Variants in MTMR9 observed in about 807,000 individuals in gnomAD.
MTMR9 encodes the protein myotubularin-related protein 9.
Under a neutral mutation model 69.5 loss-of-function variants are expected in MTMR9, and 39 were observed. The ratio of observed to expected loss-of-function variants is 0.56; its 90% CI spans 0.43 to 0.73. MTMR9 has a LOEUF of 0.73. MTMR9 is among the 30% of genes least tolerant of loss of function. The pLI is 0.00. For synonymous variants in MTMR9, 354 were observed against 240.8 expected, an observed-to-expected ratio of 1.47 and a Z score of -4.35; for missense variants, 900 against 671.2, an observed-to-expected ratio of 1.34 and a Z score of -3.77.
intron 6 of MTMR9, among the ~76,000 whole-genome samples, chr8:11,313,580 C>T (rs1049408463): frequency 3.3e-5 from 5 of 152,152 alleles, no homozygotes; most frequent in African/African-American, 4.8e-5. Flanking sequence ...TTCATTTGAA[C>T]ACTTACAGGC....
At position 11,295,176 on chromosome 8, in the gene MTMR9, A is replaced by C; in HGVS notation, c.183-18A>C. 1 of 1,373,874 alleles carries C rather than the reference A, an allele frequency of 7.3e-7. No individual in the cohort carries two copies. Among genetic ancestry groups the C allele is most frequent in the Non-Finnish European group, 1.0e-6 (1 of 970,682 alleles). 85.1% of individuals were successfully genotyped at this position (1,373,874 alleles called of 1,614,324 possible). ...AGTAATATATGTGTTCCTAAACATG[A>C]TTTGCAATTTCTTACAGATTTGTAG... On this transcript the variant is annotated intron_variant, in intron 1 of 9. Transcript: ENST00000221086.
At chr8:11,294,053 C>T (rs1478693721) in intron 1 of MTMR9, among the ~76,000 whole-genome samples, 1 of 152,154 alleles carries the variant, frequency 6.6e-6, no homozygotes, top group Non-Finnish European at 1.5e-5. Context: ...ATTTTAGAAT[C>T]ACCTTTTCAG....
chr8:11,288,807 C>G (rs1411040307), intron 1 of MTMR9, among the ~76,000 whole-genome samples: 1 of 152,178 alleles, frequency 6.6e-6, no homozygotes, highest in Non-Finnish European at 1.5e-5. Context: ...TGGCTGCTGG[C>G]AGAAAATAAA....
intron 3 of MTMR9, among the ~76,000 whole-genome samples, chr8:11,301,783 C>G (rs1799756654): frequency 6.6e-6 from 1 of 151,954 alleles, no homozygotes. Context: ...TAATCTAATG[C>G]AAATGTTAAG....
intron 1 of MTMR9, among the ~76,000 whole-genome samples, chr8:11,292,252 T>C (rs1799401203): frequency 6.6e-6 from 1 of 152,220 alleles, no homozygotes; most frequent in African/African-American, 2.4e-5. Context: ...AATGTGGGTT[T>C]CCAATTTGAG....
rs889873818 is a variant in MTMR9, at chr8:11,325,178, G to T, written c.*2390G>T. ...TTACAGGTTGTAAAAATAAACTTCGGTATCAGTGCATCTACAGAAGTGTTA... is the reference window on the plus strand; with the variant it reads ...TTACAGGTTGTAAAAATAAACTTCGTTATCAGTGCATCTACAGAAGTGTTA... On this transcript the variant is annotated 3_prime_UTR_variant, in exon 10 of 10. Coordinates refer to ENST00000221086, the MANE Select transcript of MTMR9 (RefSeq NM_015458.4). The T allele has an allele frequency of 6.6e-6, 1 of 152,144 alleles. No individual in the cohort carries two copies. Among genetic ancestry groups the T allele is most frequent in the African/African-American group, 2.4e-5 (1 of 41,422 alleles). The allele number at this position is 152,144 out of a possible 1,614,324, so 9.4% of individuals were successfully genotyped here.
At chr8:11,317,497 G>C (rs959750556) in intron 8 of MTMR9, 5 of 152,126 alleles carry the variant, frequency 3.3e-5, no homozygotes, top group Non-Finnish European at 7.4e-5. Flanking sequence ...CTCACAGTAG[G>C]GTTTGCGCTT....
At chr8:11,330,704 G>A (rs1331584093), downstream of MTMR9, among the ~76,000 whole-genome samples, 3 of 152,098 alleles carry the variant, frequency 2.0e-5, no homozygotes, top group East Asian at 5.8e-4. Flanking sequence ...TTGTTAAACA[G>A]ATACTTGAAG....
chr8:11,284,844 T>C lies in MTMR9; in HGVS notation c.-45T>C. On this transcript the variant is annotated 5_prime_UTR_variant, in exon 1 of 10. Coordinates refer to ENST00000221086, the MANE Select transcript of MTMR9 (RefSeq NM_015458.4). ...ACTTCCCTGCGGCGGGGTAACCGCC[T>C]CGCACCTACCGGGCTCGGTTCCCTG... is the stretch of plus-strand genomic sequence containing the variant. 1 of 1,541,130 alleles carries C rather than the reference T, an allele frequency of 6.5e-7. No individual in the cohort carries two copies. The highest frequency in any genetic ancestry group is 8.8e-7 in the Non-Finnish European group (1 of 1,140,076).
intron 1 of MTMR9, among the ~76,000 whole-genome samples, chr8:11,288,698 C>A (rs1303322298): frequency 2.0e-5 from 3 of 152,076 alleles, no homozygotes; most frequent in East Asian, 3.9e-4. Flanking sequence ...GTGGTCAGAC[C>A]GTGGAGGGCC....
chr8:11,313,660 T>C (rs1251522658), intron 6 of MTMR9, among the ~76,000 whole-genome samples: 2 of 152,152 alleles, frequency 1.3e-5, no homozygotes, highest in Admixed American at 1.3e-4. Flanking sequence ...AGAGTCTCCC[T>C]GAAGAGAGAG....
rs1282417223 is a variant in MTMR9, at chr8:11,323,417, G to T, written c.*629G>T. On this transcript the variant is annotated 3_prime_UTR_variant, in exon 10 of 10. Transcript: ENST00000221086. The stretch of plus-strand genomic sequence containing the variant: ...TTATTTCTACAAGGGCAACAGGTAT[G>T]GTCCTCCGATATTTACATTAAGAAG... The T allele has an allele frequency of 1.3e-5, 2 of 152,134 alleles. No individual in the cohort carries two copies. Among genetic ancestry groups the T allele is most frequent in the Non-Finnish European group, 2.9e-5 (2 of 68,034 alleles). 9.4% of individuals were successfully genotyped at this position (152,134 alleles called of 1,614,324 possible).
At chr8:11,301,452 T>C (rs994785395) in intron 3 of MTMR9, among the ~76,000 whole-genome samples, 2 of 152,192 alleles carry the variant, frequency 1.3e-5, no homozygotes, top group African/African-American at 2.4e-5. Flanking sequence ...GATATCCATA[T>C]GTAAAAAAGA....
chr8:11,319,571 A>G (rs1800577157), intron 8 of MTMR9, 116 bp from the exon 9 acceptor site: 12 of 1,085,120 alleles, frequency 1.1e-5, no homozygotes, highest in East Asian at 2.5e-5. Flanking sequence ...TTCTCTACCA[A>G]AAGTCTTGTA....
chr8:11,306,545 C>T (rs1585122156), intron 5 of MTMR9, 138 bp downstream of exon 5: 1 of 750,790 alleles, frequency 1.3e-6, no homozygotes, highest in East Asian at 2.7e-5. Flanking sequence ...GCCATCTTCT[C>T]ATTTTTTTTT....
chr8:11,327,453 C>G lies in MTMR9; in HGVS notation c.*4665C>G, dbSNP rs1470189228. On this transcript the variant is annotated 3_prime_UTR_variant, in exon 10 of 10. Transcript: ENST00000221086. ...GTTGTACAACACTGCCTGTGTTTGTCTGGCCAAGACATTTGCTTCACTTTT... is the reference window on the plus strand; with the variant it reads ...GTTGTACAACACTGCCTGTGTTTGTGTGGCCAAGACATTTGCTTCACTTTT... 6.6e-6 allele frequency: 1 copy of G among 150,958 alleles called. No individual in the cohort carries two copies. Among genetic ancestry groups the G allele is most frequent in the Non-Finnish European group, 1.5e-5 (1 of 67,222 alleles). 9.4% of individuals were successfully genotyped at this position (150,958 alleles called of 1,614,324 possible). A position where few individuals can be genotyped will look rare whatever the true frequency, so the allele number is the denominator to read the frequency against.
downstream of MTMR9, among the ~76,000 whole-genome samples, chr8:11,330,356 CG>C (rs1801164547): frequency 6.6e-6 from 1 of 152,082 alleles, no homozygotes; most frequent in Admixed American, 6.5e-5. Context: ...CGCCTCTGCC[CG>C]GCTGCCCCTT....
rs1277867538 is a variant in MTMR9, at chr8:11,323,538, G to T, written c.*750G>T. 1 of 152,234 alleles carries T rather than the reference G, an allele frequency of 6.6e-6. No individual in the cohort carries two copies. The highest frequency in any genetic ancestry group is 1.5e-5 in the Non-Finnish European group (1 of 68,046). 9.4% of individuals were successfully genotyped at this position (152,234 alleles called of 1,614,324 possible). ...ATTGAGAATTGTTACTGGTGAATTG[G>T]TTTTCAGGTTTTGAGCATACATATA... On this transcript the variant is annotated 3_prime_UTR_variant, in exon 10 of 10. Coordinates refer to ENST00000221086, the MANE Select transcript of MTMR9 (RefSeq NM_015458.4).
At chr8:11,301,765 T>A (rs1799755809) in intron 3 of MTMR9, among the ~76,000 whole-genome samples, 1 of 152,008 alleles carries the variant, frequency 6.6e-6, no homozygotes, top group Non-Finnish European at 1.5e-5. Context: ...AAAAAGAAGA[T>A]AAAAGAATAA....
Sources: allele counts gnomAD v4.1 joint callset (sites outside exome capture counted in the v4.1 genomes callset), GRCh38; gene constraint gnomAD v4.1.1; transcripts MANE v1.5; gene names NCBI Gene and HGNC (gene_info 2026-07-23, HGNC 2026-07-21).